The following PXDNL variants were observed in gnomAD, a reference collection of about 807,000 sequenced individuals.
PXDNL encodes the protein peroxidasin like.
A neutral mutation model predicts 150.8 loss-of-function variants in PXDNL; 145 were observed. The observed-to-expected ratio is 0.96, with a 90% CI of 0.84 to 1.10. The LOEUF (loss-of-function observed/expected upper bound fraction) is 1.10, where lower values mean the gene tolerates loss of function less well. Ranked by LOEUF, PXDNL falls within the 50% of genes least tolerant of loss-of-function variation. The pLI, the probability that PXDNL is intolerant of heterozygous loss-of-function variation, is 0.00. For missense variants in PXDNL, 2,087 were observed against 1,873.9 expected (o/e 1.11, Z -2.10); for synonymous variants, 757 against 725.7 (o/e 1.04, Z -0.69).
chr8:51,801,050 G>A (rs184532268), intron 1 of PXDNL, among the ~76,000 whole-genome samples: 113 of 152,270 alleles, frequency 7.4e-4, no homozygotes, highest in African/African-American at 2.6e-3. Context: ...TTTTTGCAGA[G>A]AGCCTATAAA....
At chr8:51,744,738 AAG>A (rs1352438327) in intron 1 of PXDNL, among the ~76,000 whole-genome samples, 5 of 63,458 alleles carry the variant, frequency 7.9e-5, no homozygotes, top group African/African-American at 1.5e-4. Flanking sequence ...AAAAGAAAGA[AAG>A]AGAAAAGAAA....
chr8:51,344,095 G>A (rs1302597400), intron 20 of PXDNL, among the ~76,000 whole-genome samples: 1 of 151,772 alleles, frequency 6.6e-6, no homozygotes, highest in Non-Finnish European at 1.5e-5. Flanking sequence ...ATTCATTTTG[G>A]GTTTTTTGTT....
At chr8:51,767,258 G>C (rs1400860292) in intron 1 of PXDNL, among the ~76,000 whole-genome samples, 6 of 151,482 alleles carry the variant, frequency 4.0e-5, no homozygotes, top group Non-Finnish European at 5.9e-5. Flanking sequence ...CTTTCTCTCT[G>C]TCTCTCCCCC....
chr8:51,435,807 GAATA>G, intron 12 of PXDNL: 2 of 424,286 alleles, frequency 4.7e-6, no homozygotes. Flanking sequence ...TCTTCCAGAG[GAATA>G]AATAAATTTC....
At chr8:51,509,741 TACAC>T (rs61492447) in intron 4 of PXDNL, among the ~76,000 whole-genome samples, 26,028 of 143,194 alleles carry the variant, frequency 0.18, 2,550 homozygotes, top group African/African-American at 0.23. Context: ...TATACATATA[TACAC>T]ACACACACAC....
At chr8:51,785,202 T>C (rs542070481) in intron 1 of PXDNL, among the ~76,000 whole-genome samples, 6 of 152,242 alleles carry the variant, frequency 3.9e-5, no homozygotes, top group African/African-American at 1.4e-4. Context: ...TCCACTGTTT[T>C]GATTTTATTA....
In PXDNL at chr8:51,413,143, T is replaced by C. The variant is rs1267544550; in HGVS notation, c.1904+7A>G. 1.3e-6 allele frequency: 2 copies of C among 1,501,598 alleles called. No homozygotes were observed. The highest frequency in any genetic ancestry group is 1.9e-6 in the Non-Finnish European group (2 of 1,078,482). 93.0% of individuals were successfully genotyped at this position (1,501,598 alleles called of 1,614,324 possible). On this transcript the variant is annotated splice_region_variant and intron_variant, in intron 15 of 22. Coordinates refer to ENST00000356297, the MANE Select transcript of PXDNL (RefSeq NM_144651.5). Reference sequence around the variant, plus strand: ...AAGGTTTCAATCTGTGTAAAATAAATTCTTACTGTGAAAACAAATGTCTTC... The same window carrying C: ...AAGGTTTCAATCTGTGTAAAATAAACTCTTACTGTGAAAACAAATGTCTTC...
intron 4 of PXDNL, 133 bp downstream of exon 4, chr8:51,556,707 A>G (rs1328921627): frequency 1.6e-6 from 1 of 644,560 alleles, no homozygotes; most frequent in Non-Finnish European, 2.8e-6. Context: ...CCAACTGATG[A>G]CAGATATTCA....
chr8:51,760,807 A>G (rs149482981), intron 1 of PXDNL, among the ~76,000 whole-genome samples: 72 of 141,894 alleles, frequency 5.1e-4, no homozygotes, highest in African/African-American at 1.9e-3. Context: ...CCCTGTTCCC[A>G]GCCAGGTTCA....
intron 12 of PXDNL, among the ~76,000 whole-genome samples, chr8:51,430,588 G>C (rs1026392550): frequency 1.3e-5 from 2 of 152,188 alleles, no homozygotes; most frequent in African/African-American, 4.8e-5. Context: ...TACAGAACTT[G>C]AACTCTCTCT....
intron 1 of PXDNL, among the ~76,000 whole-genome samples, chr8:51,760,844 A>ACTTTTTTTTT (rs1563312830): frequency 2.1e-5 from 1 of 48,036 alleles, no homozygotes; most frequent in East Asian, 9.5e-4. Context: ...AATCACTTAA[A>ACTTTTTTTTT]CTTTTTTTTT....
intron 1 of PXDNL, among the ~76,000 whole-genome samples, chr8:51,693,643 G>A (rs370881811): frequency 7.9e-5 from 12 of 152,084 alleles, no homozygotes; most frequent in South Asian, 2.1e-4. Flanking sequence ...GGTGGTGTGC[G>A]CCTGTGGTCC....
chr8:51,803,264 A>G (rs917501199), intron 1 of PXDNL, among the ~76,000 whole-genome samples: 2 of 152,142 alleles, frequency 1.3e-5, no homozygotes, highest in Non-Finnish European at 2.9e-5. Flanking sequence ...GCTTATATCA[A>G]TATCTCAGCG....
At chr8:51,415,040 T>C (rs1808758479) in intron 14 of PXDNL, among the ~76,000 whole-genome samples, 1 of 152,162 alleles carries the variant, frequency 6.6e-6, no homozygotes, top group African/African-American at 2.4e-5. Context: ...TTGGGGATTG[T>C]ATTTAGAGCC....
Position 51,339,636 on chromosome 8 carries a change from T to G in PXDNL, c.4134A>C (p.Ala1378=). The stretch of plus-strand genomic sequence containing the variant: ...AGAGAAAACAAACCTGCTCTCTGAG[T>G]GCTGTGATGGTTTCCTGAATTTCCG... ...FAAEIQETIT[A]LREQINKLEA... Residue 1378 remains alanine, a synonymous_variant, in exon 21 of 23, where the codon GCA becomes GCC. Transcript: ENST00000356297. 1 of 1,613,468 alleles carries G rather than the reference T, an allele frequency of 6.2e-7. No individual in the cohort carries two copies. Among genetic ancestry groups the G allele is most frequent in the East Asian group, 2.2e-5 (1 of 44,866 alleles).
chr8:51,601,178 G>T (rs1303479578), intron 2 of PXDNL, among the ~76,000 whole-genome samples: 1 of 151,570 alleles, frequency 6.6e-6, no homozygotes, highest in Non-Finnish European at 1.5e-5. Context: ...ATGTGCAGGT[G>T]AGAGAATATA....
chr8:51,684,673 T>G (rs981192384), intron 1 of PXDNL, among the ~76,000 whole-genome samples: 4 of 152,180 alleles, frequency 2.6e-5, no homozygotes, highest in Non-Finnish European at 5.9e-5. Flanking sequence ...CATGAGCTCT[T>G]TAAATCTGGG....
chr8:51,537,452 A>C (rs537063574), intron 4 of PXDNL, among the ~76,000 whole-genome samples: 2 of 152,330 alleles, frequency 1.3e-5, no homozygotes, highest in East Asian at 3.9e-4. Context: ...CAGACCTATA[A>C]ATTTTATTCT....
At chr8:51,755,061 A>T (rs1004544861) in intron 1 of PXDNL, among the ~76,000 whole-genome samples, 12 of 152,152 alleles carry the variant, frequency 7.9e-5, no homozygotes, top group African/African-American at 2.9e-4. Context: ...TAGAGAATAC[A>T]AGAGAGAACA....
Sources: allele counts gnomAD v4.1 joint callset (sites outside exome capture counted in the v4.1 genomes callset), GRCh38; gene constraint gnomAD v4.1.1; transcripts MANE v1.5; gene names NCBI Gene and HGNC (gene_info 2026-07-23, HGNC 2026-07-21).